Variants in WIPI2 observed in about 807,000 individuals in gnomAD.
WIPI2 encodes the protein WD repeat domain phosphoinositide-interacting protein 2.
A neutral mutation model predicts 52.3 loss-of-function variants in WIPI2; 28 were observed. The ratio of observed to expected loss-of-function variants is 0.54; its 90% CI spans 0.40 to 0.73. The LOEUF is 0.73. WIPI2 is among the 30% of genes least tolerant of loss of function. The pLI is 0.00. For synonymous variants in WIPI2, 268 were observed against 245.0 expected (o/e 1.09, Z -0.88); for missense variants, 506 against 602.9 (o/e 0.84, Z 1.68).
Position 5,219,723 on chromosome 7 carries a change from C to T in WIPI2, c.669+1709C>T, listed in dbSNP as rs1205426099. ...AGGCTGCAGAGGACAAAACCTTTGC[C>T]GTGGTTATTTTTGTATATGGATGCA... On this transcript the variant is annotated intron_variant, in intron 7 of 12. Coordinates refer to ENST00000288828, the MANE Select transcript of WIPI2 (RefSeq NM_015610.4). 5.3e-5 allele frequency among the ~76,000 whole-genome samples: 8 copies of T among 152,180 alleles called. No homozygotes were observed. In the East Asian group the frequency reaches 5.8e-4, roughly 11 times the overall value.
At chr7:5,228,697 A>C (rs1223801179) in intron 11 of WIPI2, among the ~76,000 whole-genome samples, 5 of 152,246 alleles carry the variant, frequency 3.3e-5, no homozygotes, top group Non-Finnish European at 5.9e-5. Flanking sequence ...ATTCTGTCTT[A>C]CATGTTTTTT....
intron 3 of WIPI2, among the ~76,000 whole-genome samples, chr7:5,208,968 T>C (rs1322404328): frequency 6.6e-6 from 1 of 152,016 alleles, no homozygotes; most frequent in African/African-American, 2.4e-5. Flanking sequence ...GTATATCTCT[T>C]CATTTATTTA....
chr7:5,223,396 A>T (rs1350684688), intron 8 of WIPI2, among the ~76,000 whole-genome samples: 1 of 150,768 alleles, frequency 6.6e-6, no homozygotes, highest in Non-Finnish European at 1.5e-5. Context: ...TCTTTCGGGG[A>T]CTCTCCCGCC....
At chr7:5,226,023 C>G in intron 9 of WIPI2, 93 bp downstream of exon 9, 1 of 1,249,488 alleles carries the variant, frequency 8.0e-7, no homozygotes, top group South Asian at 1.4e-5. Flanking sequence ...ACCCGCCCAC[C>G]CTCTGACATC....
intron 1 of WIPI2, among the ~76,000 whole-genome samples, chr7:5,191,577 G>A (rs1781486484): frequency 6.6e-6 from 1 of 152,170 alleles, no homozygotes; most frequent in African/African-American, 2.4e-5. Flanking sequence ...AGGAGGACTT[G>A]TGGGGATGGT....
In WIPI2 at chr7:5,230,819, C is replaced by T. The variant is rs777442643; in HGVS notation, c.1253-16C>T. ...GTCCCCAGCCTTTGAAGGGTGACTT[C>T]GTCGTCTCTTTGCAGCCTACACAGA... On this transcript the variant is annotated splice_polypyrimidine_tract_variant and intron_variant, in intron 12 of 12. Coordinates refer to ENST00000288828, the MANE Select transcript of WIPI2 (RefSeq NM_015610.4). This position sits in a 1 kb window ranked among gnomAD's most constrained non-coding sequence, Gnocchi z 4.8. The T allele has an allele frequency of 6.8e-6, 11 of 1,606,174 alleles. No homozygotes were observed. The highest frequency in any genetic ancestry group is 6.7e-5 in the East Asian group (3 of 44,716).
chr7:5,216,925 T>C, intron 5 of WIPI2, 165 bp from the exon 6 acceptor site: 1 of 762,404 alleles, frequency 1.3e-6, no homozygotes, highest in Non-Finnish European at 2.1e-6. Context: ...TCACCTAAGG[T>C]GGGGATTTGG....
chr7:5,200,162 T>C (rs1393893221), intron 3 of WIPI2, among the ~76,000 whole-genome samples: 1 of 152,204 alleles, frequency 6.6e-6, no homozygotes, highest in Non-Finnish European at 1.5e-5. Flanking sequence ...GATGGATTAC[T>C]TCATCTCTGG....
intron 3 of WIPI2, among the ~76,000 whole-genome samples, chr7:5,204,184 G>A: frequency 6.6e-6 from 1 of 152,138 alleles, no homozygotes; most frequent in East Asian, 1.9e-4. Flanking sequence ...AAGTTCATCT[G>A]GGCCGGGCGC....
chr7:5,197,422 C>G (rs926962328), intron 2 of WIPI2, among the ~76,000 whole-genome samples: 1 of 152,076 alleles, frequency 6.6e-6, no homozygotes, highest in Non-Finnish European at 1.5e-5. Flanking sequence ...GGATATTACT[C>G]TATTCTTCTT....
intron 3 of WIPI2, among the ~76,000 whole-genome samples, chr7:5,201,801 C>T (rs1782040757): frequency 1.3e-5 from 2 of 152,134 alleles, no homozygotes; most frequent in Non-Finnish European, 2.9e-5. Context: ...AAGGTGGGTG[C>T]ATGAATGTCT....
chr7:5,224,510 C>A (rs2115307603), intron 8 of WIPI2, among the ~76,000 whole-genome samples: 1 of 152,312 alleles, frequency 6.6e-6, no homozygotes, highest in East Asian at 1.9e-4. Context: ...ATGCGGGAGG[C>A]TGGAGTTTTA....
At position 5,209,630 on chromosome 7, in the gene WIPI2, C is replaced by T. The variant is rs527472004; in HGVS notation, c.212-4905C>T. ...TTTGAGATGATCGTCTCATACTGTT[C>T]TCACTTTGAAATCTCCCACCTCCAT... On this transcript the variant is annotated intron_variant, in intron 3 of 12. Coordinates refer to ENST00000288828, the MANE Select transcript of WIPI2 (RefSeq NM_015610.4). Among the ~76,000 whole-genome samples the T allele has an allele frequency of 1.2e-4, 18 of 152,304 alleles. No homozygotes were observed. In the South Asian group the frequency reaches 3.3e-3, roughly 28 times the overall value.
At chr7:5,208,502 G>T (rs956584292) in intron 3 of WIPI2, among the ~76,000 whole-genome samples, 1 of 151,776 alleles carries the variant, frequency 6.6e-6, no homozygotes, top group Non-Finnish European at 1.5e-5. Context: ...AGTCAGGAAG[G>T]TGTTTTCCTA....
At position 5,218,054 on chromosome 7, in the gene WIPI2, C is replaced by T. The variant is rs185342032; in HGVS notation, c.669+40C>T. 10 of 1,599,410 alleles carry T rather than the reference C, an allele frequency of 6.3e-6. No individual in the cohort carries two copies. The African/African-American group carries it at 9.4e-5, about 15-fold the overall frequency. ...CCCCGGGGGAGCACTGGTGCCAAGG[C>T]GTCCACAGACTTTTTCAGTTCTGTT... On this transcript the variant is annotated intron_variant, in intron 7 of 12. Transcript: ENST00000288828.
chr7:5,201,134 G>T (rs1333955770), intron 3 of WIPI2, among the ~76,000 whole-genome samples: 2 of 152,214 alleles, frequency 1.3e-5, no homozygotes, highest in Non-Finnish European at 2.9e-5. Context: ...AGCCACACGG[G>T]ATTGCTCCCC....
At position 5,233,288 on chromosome 7, in the gene WIPI2, C is replaced by G. The variant is rs1020340097; in HGVS notation, c.*2341C>G. ...TCTGCTCGAACCTATGAGTCCCAGC[C>G]TCACTGGCGGCCTCAGACATGCTCA... On this transcript the variant is annotated 3_prime_UTR_variant, in exon 13 of 13. Coordinates refer to ENST00000288828, the MANE Select transcript of WIPI2 (RefSeq NM_015610.4). 4.6e-5 allele frequency: 7 copies of G among 152,240 alleles called. No individual in the cohort carries two copies. The highest frequency in any genetic ancestry group is 1.7e-4 in the African/African-American group (7 of 41,442). The allele number at this position is 152,240 out of a possible 1,614,324, so 9.4% of individuals were successfully genotyped here.
chr7:5,226,002 G>A, intron 9 of WIPI2, 72 bp downstream of exon 9: 1 of 1,441,744 alleles, frequency 6.9e-7, no homozygotes, highest in Non-Finnish European at 9.5e-7. Context: ...CGGGATGAGA[G>A]GTAAGCACGG....
chr7:5,223,918 G>A lies in WIPI2; in HGVS notation c.740+1246G>A, dbSNP rs544683984. On this transcript the variant is annotated intron_variant, in intron 8 of 12. Coordinates refer to ENST00000288828, the MANE Select transcript of WIPI2 (RefSeq NM_015610.4). ...GCCCGCCCTGTGCCTCTCCCGCCAC[G>A]CCACCTGATCCAGGCTTTGCCTGGT... Among the ~76,000 whole-genome samples the A allele has an allele frequency of 4.5e-3, 683 of 152,348 alleles. 6 individuals carry two copies. Among genetic ancestry groups the A allele is most frequent in the Middle Eastern group, 0.02 (6 of 294 alleles).
Sources: gnomAD v4.1 joint callset for allele counts (sites outside exome capture counted in the v4.1 genomes callset) on GRCh38, gnomAD v4.1.1 for gene constraint, Gnocchi (gnomAD v3.1) non-coding constraint, MANE v1.5 for transcripts, NCBI Gene and HGNC (gene_info 2026-07-23, HGNC 2026-07-21) for gene names.